Variants in STARD9 observed in about 807,000 individuals in gnomAD.
The protein encoded by STARD9 is StAR related lipid transfer domain containing 9.
A neutral mutation model predicts 399.8 loss-of-function variants in STARD9; 346 were observed. That is an observed-to-expected ratio of 0.87 (90% CI 0.79 to 0.95). STARD9 has a LOEUF of 0.95. Ranked by LOEUF, STARD9 falls within the 40% of genes least tolerant of loss-of-function variation. The pLI is 0.00. For synonymous variants in STARD9, 2,203 were observed against 2,143.5 expected (o/e 1.03, Z -0.77); for missense variants, 5,832 against 5,667.5 (o/e 1.03, Z -0.93).
chr15:42,628,035 A>G (rs1320369916), intron 3 of STARD9, among the ~76,000 whole-genome samples: 1 of 152,122 alleles, frequency 6.6e-6, no homozygotes, highest in East Asian at 1.9e-4. Flanking sequence ...GGCTGTACTA[A>G]TTTACATTCC....
intron 3 of STARD9, among the ~76,000 whole-genome samples, chr15:42,614,255 G>A (rs1595637524): frequency 6.6e-6 from 1 of 151,508 alleles, no homozygotes; most frequent in East Asian, 1.9e-4. Flanking sequence ...AGGTTGCAGT[G>A]AGCCAAGATC....
intron 3 of STARD9, among the ~76,000 whole-genome samples, chr15:42,603,702 T>A (rs1368058829): frequency 6.6e-6 from 1 of 151,994 alleles, no homozygotes; most frequent in African/African-American, 2.4e-5. Context: ...ATTGGTTGGG[T>A]CTGGGATGAA....
chr15:42,661,276 T>C (rs2059988490), intron 10 of STARD9, 51 bp downstream of exon 10: 1 of 1,224,338 alleles, frequency 8.2e-7, no homozygotes, highest in African/African-American at 1.5e-5. Flanking sequence ...TTGCCTGTTT[T>C]ACAGGGAATA....
intron 1 of STARD9, chr15:42,581,268 A>T: frequency 2.2e-6 from 2 of 917,138 alleles, no homozygotes; most frequent in South Asian, 1.3e-5. Flanking sequence ...TATTGGGCAG[A>T]TGGCAGGTGG....
Position 42,694,311 on chromosome 15 carries a change from G to C in STARD9, c.12733G>C (p.Val4245Leu). Residue 4245 changes from valine to leucine, a missense_variant, in exon 23 of 33, where the codon GTG (valine) becomes CTG (leucine). By Grantham distance (32) the Val-to-Leu change is conservative (BLOSUM62 1). Coordinates refer to ENST00000290607, the MANE Select transcript of STARD9 (RefSeq NM_020759.3). ...TGEALAADEP[V>L]TSTWKELYAR... Reference sequence around the variant, plus strand: ...GGAGGCGCTTGCTGCTGATGAACCTGTGACATCCACCTGGAAGGAGCTCTA... The same window carrying C: ...GGAGGCGCTTGCTGCTGATGAACCTCTGACATCCACCTGGAAGGAGCTCTA... The C allele has an allele frequency of 4.6e-6, 7 of 1,519,336 alleles. No homozygotes were observed. The highest frequency in any genetic ancestry group is 5.3e-6 in the Non-Finnish European group (6 of 1,136,938). 94.1% of individuals were successfully genotyped at this position (1,519,336 alleles called of 1,614,324 possible). A position where few individuals can be genotyped will look rare whatever the true frequency, so the allele number is the denominator to read the frequency against.
At chr15:42,649,177 G>A (rs533501837) in intron 7 of STARD9, among the ~76,000 whole-genome samples, 9 of 152,058 alleles carry the variant, frequency 5.9e-5, no homozygotes, top group African/African-American at 1.4e-4. Context: ...TTACAGTCGC[G>A]CACCACCACA....
intron 26 of STARD9, among the ~76,000 whole-genome samples, chr15:42,715,421 T>G (rs1198310123): frequency 6.6e-6 from 1 of 152,128 alleles, no homozygotes; most frequent in African/African-American, 2.4e-5. Context: ...GGCTCACGCC[T>G]GTAATCCCAA....
chr15:42,595,304 T>C (rs189001515), intron 3 of STARD9, among the ~76,000 whole-genome samples: 16 of 152,258 alleles, frequency 1.1e-4, no homozygotes, highest in Non-Finnish European at 1.3e-4. Flanking sequence ...AGGCTCAGAT[T>C]TGTTGCATTA....
intron 4 of STARD9, among the ~76,000 whole-genome samples, chr15:42,635,294 A>G (rs1004863206): frequency 1.3e-5 from 2 of 151,890 alleles, no homozygotes; most frequent in African/African-American, 4.8e-5. Context: ...TCAGCATTTA[A>G]TTGGAAGGTA....
intron 16 of STARD9, among the ~76,000 whole-genome samples, chr15:42,673,392 ACT>A (rs993710327): frequency 4.0e-5 from 6 of 151,772 alleles, no homozygotes; most frequent in African/African-American, 1.5e-4. Flanking sequence ...TCAAAGTGAG[ACT>A]CTGTCTCAAA....
chr15:42,656,820 C>T (rs1237595021), intron 9 of STARD9, among the ~76,000 whole-genome samples: 1 of 152,018 alleles, frequency 6.6e-6, no homozygotes, highest in African/African-American at 2.4e-5. Flanking sequence ...GACACATAGG[C>T]ATAAGGACGC....
In STARD9 at chr15:42,686,109, C is replaced by T. The variant is rs1376223017; in HGVS notation, c.4531C>T (p.Pro1511Ser). 1 of 1,537,268 alleles carries T rather than the reference C, an allele frequency of 6.5e-7. No homozygotes were observed. Among genetic ancestry groups the T allele is most frequent in the East Asian group, 2.4e-5 (1 of 40,910 alleles). Residue 1511 changes from proline to serine, a missense_variant, in exon 23 of 33, where the codon CCC becomes TCC. Transcript: ENST00000290607. ...EAIGAPKPAY[P>S]YLEEDSGSLA... ...CATAGGAGCACCCAAGCCAGCTTACCCCTACCTTGAGGAAGACTCTGGTTC... is the reference window on the plus strand; with the variant it reads ...CATAGGAGCACCCAAGCCAGCTTACTCCTACCTTGAGGAAGACTCTGGTTC...
rs1398374907 is a variant in STARD9 at position 42,691,800 on chromosome 15, C to T, written c.10222C>T (p.Pro3408Ser). The T allele has an allele frequency of 2.0e-6, 3 of 1,537,280 alleles. No homozygotes were observed. In the Admixed American group the frequency reaches 5.9e-5, roughly 30 times the overall value. ...RHLKPATPPY[P>S]MPSTLSHMPT... ...CCTGAAGCCTGCCACCCCTCCTTAT[C>T]CAATGCCTTCCACTCTCTCACACAT... The change falls in exon 23 of 33, where the codon CCA (proline) becomes TCA (serine). Residue 3408 changes from proline (P) to serine (S), a missense_variant. This residue lies in a region of STARD9 where 5,828 missense variants were observed against 5,651.1 expected (regional missense o/e 1.03). Transcript: ENST00000290607.
chr15:42,718,944 A>G, intron 32 of STARD9, 34 bp downstream of exon 32: 1 of 1,531,056 alleles, frequency 6.5e-7, no homozygotes, highest in Non-Finnish European at 8.8e-7. Flanking sequence ...CTCACAGCAC[A>G]GGCTGACTTG....
At chr15:42,610,088 A>G (rs1595628717) in intron 3 of STARD9, among the ~76,000 whole-genome samples, 2 of 152,204 alleles carry the variant, frequency 1.3e-5, no homozygotes, top group South Asian at 4.2e-4. Context: ...ACGAGACACT[A>G]TCTCCAAGAA....
At chr15:42,646,249 C>T (rs933201776) in intron 7 of STARD9, among the ~76,000 whole-genome samples, 1 of 152,130 alleles carries the variant, frequency 6.6e-6, no homozygotes, top group Non-Finnish European at 1.5e-5. Flanking sequence ...GAGAATCGGC[C>T]TGTCCTTTGA....
chr15:42,709,233 A>G (rs1360438782), intron 26 of STARD9, among the ~76,000 whole-genome samples: 3 of 151,760 alleles, frequency 2.0e-5, no homozygotes, highest in Admixed American at 6.6e-5. Context: ...CCATCTCTAC[A>G]CACACACACA....
chr15:42,620,789 G>A (rs1419902799), intron 3 of STARD9, among the ~76,000 whole-genome samples: 5 of 150,248 alleles, frequency 3.3e-5, no homozygotes, highest in African/African-American at 1.2e-4. Context: ...GAGTTTCCCT[G>A]TGTCGCCCAG....
intron 7 of STARD9, among the ~76,000 whole-genome samples, chr15:42,646,223 C>T (rs1356152171): frequency 6.6e-6 from 1 of 152,092 alleles, no homozygotes; most frequent in Non-Finnish European, 1.5e-5. Context: ...TCACCAGTTG[C>T]ATTAGCCCCT....
Sources: allele counts gnomAD v4.1 joint callset (sites outside exome capture counted in the v4.1 genomes callset), GRCh38; gene constraint gnomAD v4.1.1; regional missense constraint gnomAD v4.1.1; transcripts MANE v1.5; gene names NCBI Gene and HGNC (gene_info 2026-07-23, HGNC 2026-07-21).